BSN: variants seen among roughly 807,000 people sequenced by gnomAD.
BSN encodes the protein bassoon presynaptic cytomatrix protein.
In BSN, 57 loss-of-function variants were observed where a neutral mutation model predicts 264.8. The observed-to-expected ratio is 0.22, with a 90% CI of 0.17 to 0.27. The LOEUF (loss-of-function observed/expected upper bound fraction) is 0.27, where lower values mean the gene tolerates loss of function less well. Ranked by LOEUF, BSN falls within the 10% of genes least tolerant of loss-of-function variation. The pLI is 1.00. For missense variants in BSN, 4,615 were observed against 5,232.5 expected (o/e 0.88, Z 3.64); for synonymous variants, 2,059 against 2,137.3 (o/e 0.96, Z 1.01).
intron 2 of BSN, among the ~76,000 whole-genome samples, chr3:49,633,604 G>A (rs73077107): frequency 0.093 from 14,216 of 152,086 alleles, 967 homozygotes; most frequent in Non-Finnish European, 0.12. Context: ...TTGAAAGGAA[G>A]GTCTTGAAGA....
In BSN at chr3:49,657,498, A is replaced by G. The variant is rs1438387622; in HGVS notation, c.7942A>G (p.Thr2648Ala). The G allele has an allele frequency of 6.2e-7, 1 of 1,613,192 alleles. No individual in the cohort carries two copies. The highest frequency in any genetic ancestry group is 2.2e-5 in the East Asian group (1 of 44,884). ...AGGCTCTGACAGCAAGCACGATGCCACTGCCTCATCATCCAGTGCTGCTGC... is the reference window on the plus strand; with the variant it reads ...AGGCTCTGACAGCAAGCACGATGCCGCTGCCTCATCATCCAGTGCTGCTGC... Reference protein sequence around the residue: ...DSGSDSKHDATASSSSAAATV... With the variant: ...DSGSDSKHDAAASSSSAAATV... Residue 2648 changes from threonine (T) to alanine (A), a missense_variant, in exon 5 of 12, where the codon ACT becomes GCT. Coordinates refer to ENST00000296452, the MANE Select transcript of BSN (RefSeq NM_003458.4).
intron 1 of BSN, among the ~76,000 whole-genome samples, chr3:49,595,155 C>T (rs1195934603): frequency 6.6e-6 from 1 of 151,076 alleles, no homozygotes; most frequent in African/African-American, 2.4e-5. Flanking sequence ...TCCCAAAGTG[C>T]TGGGATTACA....
chr3:49,661,712 G>C lies in BSN; in HGVS notation c.9867G>C (p.Glu3289Asp). The C allele has an allele frequency of 1.2e-6, 2 of 1,613,686 alleles. No homozygotes were observed. Among genetic ancestry groups the C allele is most frequent in the Non-Finnish European group, 1.7e-6 (2 of 1,180,044 alleles). Residue 3289 changes from glutamate to aspartate, a missense_variant, in exon 6 of 12, where the codon GAG becomes GAC. Glu to Asp is a conservative substitution (Grantham distance 45). Around this residue, in one of 3 missense-constraint regions of BSN, gnomAD observed 3,415 missense variants for 3,866.4 expected, o/e 0.88. Coordinates refer to ENST00000296452, the MANE Select transcript of BSN (RefSeq NM_003458.4). ...CCTGCTGCTATGCCAGAGGAGAAGA[G>C]GAATCTGAGGAGGACTCATACGATC... ...TLPCCYARGE[E>D]ESEEDSYDPR...
chr3:49,613,350 A>AGAGAGAC (rs1553662899), intron 1 of BSN, among the ~76,000 whole-genome samples: 1 of 18,052 alleles, frequency 5.5e-5, no homozygotes, highest in Admixed American at 5.3e-4. Flanking sequence ...GAGAGAGAGA[A>AGAGAGAC]GGGCTGGCCC....
intron 2 of BSN, among the ~76,000 whole-genome samples, chr3:49,632,283 A>G (rs1373992636): frequency 6.6e-6 from 1 of 152,226 alleles, no homozygotes; most frequent in Non-Finnish European, 1.5e-5. Context: ...TTTCTTGGAT[A>G]TGACACCAAC....
At chr3:49,643,216 G>A (rs2052480381) in intron 3 of BSN, 64 bp downstream of exon 3, 1 of 1,528,226 alleles carries the variant, frequency 6.5e-7, no homozygotes, top group South Asian at 1.3e-5. Flanking sequence ...GGTAGTGAGT[G>A]TCATGGGAAC....
intron 1 of BSN, among the ~76,000 whole-genome samples, chr3:49,572,672 TAC>T (rs1245218543): frequency 6.6e-6 from 1 of 152,210 alleles, no homozygotes; most frequent in African/African-American, 2.4e-5. Flanking sequence ...TAGCTGGGAC[TAC>T]AGTCACCCGC....
chr3:49,647,715 T>C (rs1292266961), intron 3 of BSN, among the ~76,000 whole-genome samples: 1 of 152,062 alleles, frequency 6.6e-6, no homozygotes, highest in East Asian at 1.9e-4. Flanking sequence ...ATAGAATGAA[T>C]AAAGGAATTG....
In BSN at chr3:49,585,237, T is replaced by C. The variant is rs536957834; in HGVS notation, c.224+30411T>C. ...TTTTAATTTTTATTTTATTGAATTA[T>C]TTTTGGTGTGTCTAGGTCAAGGAAA... On this transcript the variant is annotated intron_variant, in intron 1 of 11. Coordinates refer to ENST00000296452, the MANE Select transcript of BSN (RefSeq NM_003458.4). This position sits in a 1 kb window ranked among gnomAD's most constrained non-coding sequence, Gnocchi z 4.7. 5.1e-4 allele frequency among the ~76,000 whole-genome samples: 77 copies of C among 152,170 alleles called. No homozygotes were observed. The highest frequency in any genetic ancestry group is 1.8e-3 in the African/African-American group (75 of 41,526).
At chr3:49,662,844 G>C (rs1361211905) in intron 6 of BSN, 32 bp from the exon 7 acceptor site, 1 of 1,530,182 alleles carries the variant, frequency 6.5e-7, no homozygotes. Context: ...CTAGCCCGGG[G>C]GTTGATGGTA....
intron 1 of BSN, among the ~76,000 whole-genome samples, chr3:49,567,623 A>G (rs2051762505): frequency 6.6e-6 from 1 of 152,208 alleles, no homozygotes; most frequent in African/African-American, 2.4e-5. Context: ...CTCTGACCTG[A>G]TGACACATCT....
intron 6 of BSN, 35 bp downstream of exon 6, chr3:49,662,597 C>A: frequency 1.3e-6 from 2 of 1,550,690 alleles, no homozygotes; most frequent in Non-Finnish European, 1.7e-6. Flanking sequence ...TGCGGATACT[C>A]AGCAGCTGGG....
At chr3:49,599,803 A>T (rs372317642) in intron 1 of BSN, among the ~76,000 whole-genome samples, 38 of 152,296 alleles carry the variant, frequency 2.5e-4, no homozygotes, top group African/African-American at 8.9e-4. Flanking sequence ...CCTCAGTATA[A>T]AGCCAAATGT....
In BSN at chr3:49,612,112, A is replaced by T. The variant is rs577764258; in HGVS notation, c.225-12863A>T. On this transcript the variant is annotated intron_variant, in intron 1 of 11. Transcript: ENST00000296452. ...TTCAACAAAAATAACAAACACCTGT[A>T]ACCTGAAATACAACAAACAAAGAAT... Among the ~76,000 whole-genome samples the T allele has an allele frequency of 1.6e-4, 24 of 151,726 alleles. 1 individual carries two copies. The highest frequency in any genetic ancestry group is 8.6e-4 in the Admixed American group (13 of 15,152).
chr3:49,672,625 C>T (rs1050341176), downstream of BSN, among the ~76,000 whole-genome samples: 23 of 151,490 alleles, frequency 1.5e-4, no homozygotes, highest in Non-Finnish European at 2.5e-4. Flanking sequence ...GGATTACAGG[C>T]GCGTGCCACC....
chr3:49,605,186 G>A (rs2052102822), intron 1 of BSN, among the ~76,000 whole-genome samples: 1 of 142,888 alleles, frequency 7.0e-6, no homozygotes, highest in Non-Finnish European at 1.5e-5. Flanking sequence ...CTTGAACCTG[G>A]GAGGTGGAGG....
intron 1 of BSN, among the ~76,000 whole-genome samples, chr3:49,588,888 G>A (rs1456153092): frequency 6.6e-6 from 1 of 151,556 alleles, no homozygotes; most frequent in African/African-American, 2.4e-5. Flanking sequence ...CATTTGAGAA[G>A]AGTGCGCATT....
chr3:49,638,078 T>C lies in BSN; in HGVS notation c.634-4190T>C, dbSNP rs2052432567. Among the ~76,000 whole-genome samples, 1 of 152,184 alleles carries C rather than the reference T, an allele frequency of 6.6e-6. No homozygotes were observed. Among genetic ancestry groups the C allele is most frequent in the Non-Finnish European group, 1.5e-5 (1 of 68,030 alleles). ...GTGCCAGATCAGGATCTTGGAGGTA[T>C]TAGACAGCAGAACCCTAGCTGAGGC... On this transcript the variant is annotated intron_variant, in intron 2 of 11. Coordinates refer to ENST00000296452, the MANE Select transcript of BSN (RefSeq NM_003458.4). This position sits in a 1 kb window ranked among gnomAD's most constrained non-coding sequence, Gnocchi z 4.3.
intron 1 of BSN, among the ~76,000 whole-genome samples, chr3:49,618,675 T>C (rs1331407155): frequency 6.6e-6 from 1 of 152,244 alleles, no homozygotes; most frequent in Non-Finnish European, 1.5e-5. Context: ...GCTGTGCCTC[T>C]GGGTCTTCGT....
Sources: allele counts gnomAD v4.1 joint callset (sites outside exome capture counted in the v4.1 genomes callset), GRCh38; gene constraint gnomAD v4.1.1; regional missense constraint gnomAD v4.1.1; non-coding constraint Gnocchi (gnomAD v3.1); transcripts MANE v1.5; gene names NCBI Gene and HGNC (gene_info 2026-07-23, HGNC 2026-07-21).